Variants in LUZP2 observed in about 807,000 individuals in gnomAD.
LUZP2 encodes the protein leucine zipper protein 2.
A neutral mutation model predicts 51.6 loss-of-function variants in LUZP2; 52 were observed. The observed-to-expected ratio is 1.01, with a 90% confidence interval of 0.81 to 1.27. LUZP2 has a LOEUF of 1.27. Among genes scored for constraint, LUZP2 ranks in the 50% most tolerant of loss-of-function variants. LUZP2 has a pLI of 0.00. For missense variants in LUZP2, 436 were observed against 395.4 expected, an observed-to-expected ratio of 1.10 and a Z score of -0.87; for synonymous variants, 154 against 137.3, an observed-to-expected ratio of 1.12 and a Z score of -0.85.
chr11:24,547,203 G>GAA (rs3077914), intron 1 of LUZP2, among the ~76,000 whole-genome samples: 23,136 of 99,858 alleles, frequency 0.23, 1,981 homozygotes, highest in African/African-American at 0.27. Flanking sequence ...TACAGAATTA[G>GAA]AAAAAAAAAA....
At chr11:24,958,123 G>A (rs1424772420) in intron 7 of LUZP2, among the ~76,000 whole-genome samples, 1 of 152,146 alleles carries the variant, frequency 6.6e-6, no homozygotes, top group African/African-American at 2.4e-5. Context: ...TGGTGTATAT[G>A]TGCCACATTT....
intron 1 of LUZP2, among the ~76,000 whole-genome samples, chr11:24,720,535 T>A (rs574912307): frequency 6.6e-6 from 1 of 152,254 alleles, no homozygotes; most frequent in South Asian, 2.1e-4. Flanking sequence ...AACCAATGCA[T>A]TTATTAGACA....
rs188754208 is a variant in LUZP2 at position 25,071,035 on chromosome 11, G to A, written c.859-6294G>A. Among the ~76,000 whole-genome samples, 60 of 151,922 alleles carry A rather than the reference G, an allele frequency of 3.9e-4. 1 individual carries two copies. The highest frequency in any genetic ancestry group is 1.2e-3 in the African/African-American group (50 of 41,466). On this transcript the variant is annotated intron_variant, in intron 10 of 11. Transcript: ENST00000336930. ...CATGTAAACTGACACGAAACCATTC[G>A]TGTAAAGCATATGTGTATGTCTTAC...
intron 8 of LUZP2, among the ~76,000 whole-genome samples, chr11:24,977,890 A>AT (rs921871816): frequency 1.4e-4 from 21 of 148,972 alleles, no homozygotes; most frequent in Middle Eastern, 3.5e-3. Context: ...ATTGTTTTTA[A>AT]TTTTTTTTTT....
chr11:24,673,670 C>A (rs1856465172), intron 1 of LUZP2, among the ~76,000 whole-genome samples: 1 of 152,152 alleles, frequency 6.6e-6, no homozygotes, highest in Admixed American at 6.6e-5. Flanking sequence ...GGGAGCCTGT[C>A]CAGTGCATTG....
intron 4 of LUZP2, among the ~76,000 whole-genome samples, chr11:24,748,441 G>T (rs1431861983): frequency 6.6e-6 from 1 of 151,780 alleles, no homozygotes. Context: ...CCTTTAGAGG[G>T]TGTGTCTATT....
chr11:25,021,144 A>G (rs1857320844), intron 9 of LUZP2, among the ~76,000 whole-genome samples: 1 of 152,088 alleles, frequency 6.6e-6, no homozygotes, highest in Non-Finnish European at 1.5e-5. Context: ...TATAGTAGGG[A>G]AAATATAACT....
chr11:24,999,535 G>A (rs370533835), intron 9 of LUZP2, among the ~76,000 whole-genome samples: 25 of 151,860 alleles, frequency 1.6e-4, no homozygotes, highest in African/African-American at 5.6e-4. Context: ...AGATGAGAAG[G>A]AGTGGTAACA....
intron 5 of LUZP2, among the ~76,000 whole-genome samples, chr11:24,857,249 C>T (rs1251188544): frequency 6.7e-6 from 1 of 148,716 alleles, no homozygotes; most frequent in Non-Finnish European, 1.5e-5. Context: ...CTCCCCTACC[C>T]ACAAGAATAT....
intron 1 of LUZP2, among the ~76,000 whole-genome samples, chr11:24,683,693 C>T (rs1329762704): frequency 6.6e-6 from 1 of 152,052 alleles, no homozygotes; most frequent in East Asian, 1.9e-4. Flanking sequence ...TTTATTTGAC[C>T]TCATGGACAT....
At chr11:24,775,718 C>T (rs1057425236) in intron 5 of LUZP2, among the ~76,000 whole-genome samples, 2 of 152,116 alleles carry the variant, frequency 1.3e-5, no homozygotes, top group Non-Finnish European at 2.9e-5. Context: ...TGAAACCATG[C>T]TCCTTATACC....
intron 9 of LUZP2, among the ~76,000 whole-genome samples, chr11:25,026,091 A>G (rs942069409): frequency 6.9e-6 from 1 of 144,100 alleles, no homozygotes; most frequent in Non-Finnish European, 1.5e-5. Context: ...GAATTGAAGA[A>G]TGAGAACACT....
At chr11:24,763,145 G>T in intron 4 of LUZP2, 101 bp from the exon 5 acceptor site, 1 of 604,444 alleles carries the variant, frequency 1.7e-6, no homozygotes, top group Non-Finnish European at 2.6e-6. Flanking sequence ...TTCAATATTT[G>T]TTAATAAATA....
chr11:25,055,113 C>A (rs371796382), intron 10 of LUZP2, among the ~76,000 whole-genome samples: 2 of 144,606 alleles, frequency 1.4e-5, no homozygotes, highest in East Asian at 3.9e-4. Context: ...TGGGTTCAAG[C>A]GATTCTCCTG....
intron 1 of LUZP2, among the ~76,000 whole-genome samples, chr11:24,626,079 G>C (rs938898103): frequency 1.3e-5 from 2 of 152,110 alleles, no homozygotes; most frequent in Non-Finnish European, 2.9e-5. Flanking sequence ...CTAGTATAAA[G>C]TGTCAACCTC....
chr11:24,690,144 A>T (rs891991788), intron 1 of LUZP2, among the ~76,000 whole-genome samples: 4 of 152,212 alleles, frequency 2.6e-5, no homozygotes, highest in African/African-American at 9.6e-5. Flanking sequence ...TTTTTATAAG[A>T]TTTTAATTTT....
chr11:24,613,313 G>A (rs550473538), intron 1 of LUZP2, among the ~76,000 whole-genome samples: 10 of 151,320 alleles, frequency 6.6e-5, no homozygotes, highest in Non-Finnish European at 1.2e-4. Context: ...TGTGTGTGTG[G>A]ATGTGCATGG....
chr11:25,053,565 A>G (rs899659824), intron 10 of LUZP2, among the ~76,000 whole-genome samples: 6 of 150,270 alleles, frequency 4.0e-5, no homozygotes, highest in African/African-American at 9.8e-5. Flanking sequence ...TTTTTAATAC[A>G]ATGAGTCCTC....
intron 1 of LUZP2, among the ~76,000 whole-genome samples, chr11:24,675,789 ATATTTATTTATTTATTTATT>A (rs61265735): frequency 1.5e-5 from 2 of 136,822 alleles, no homozygotes; most frequent in African/African-American, 2.7e-5. Context: ...TCTTTTTTTT[ATATTTATTTATTTATTTATT>A]TATTTATTTA....
Sources: gnomAD v4.1 joint callset for allele counts (sites outside exome capture counted in the v4.1 genomes callset) on GRCh38, gnomAD v4.1.1 for gene constraint, MANE v1.5 for transcripts, NCBI Gene and HGNC (gene_info 2026-07-23, HGNC 2026-07-21) for gene names.